The following CACNA2D4 variants were observed in gnomAD, a reference collection of about 807,000 sequenced individuals.
The protein encoded by CACNA2D4 is calcium voltage-gated channel auxiliary subunit alpha2delta 4, also known as voltage-dependent calcium channel subunit alpha-2/delta-4.
In CACNA2D4, 157 loss-of-function variants were observed where a neutral mutation model predicts 163.8. The observed-to-expected ratio is 0.96, with a 90% CI of 0.84 to 1.09. The LOEUF is 1.09. CACNA2D4 is among the 50% of genes least tolerant of loss of function. The pLI is 0.00. For synonymous variants in CACNA2D4, 598 were observed against 586.9 expected (o/e 1.02, Z -0.27); for missense variants, 1,410 against 1,479.9 (o/e 0.95, Z 0.78).
intron 24 of CACNA2D4, 51 bp downstream of exon 24, chr12:1,846,543 C>A (rs1865147414): frequency 2.1e-6 from 3 of 1,429,126 alleles, no homozygotes; most frequent in Admixed American, 2.0e-5. Context: ...GGGACTCTGG[C>A]CCTCTCTGCC....
Position 1,800,238 on chromosome 12 carries a change from G to A in CACNA2D4, c.2921+148C>T, listed in dbSNP as rs1017752152. On this transcript the variant is annotated intron_variant, in intron 32 of 37. Transcript: ENST00000382722. ...GGGCAGCATGCAGGGAAGAGGTGGC[G>A]TCCATGCCCAGGGATTGTGCCCTCC... The A allele has an allele frequency of 2.4e-5, 23 of 969,962 alleles. No homozygotes were observed. In the African/African-American group the frequency reaches 3.1e-4, roughly 13 times the overall value. The allele number at this position is 969,962 out of a possible 1,614,324, so 60.1% of individuals were successfully genotyped here.
intron 24 of CACNA2D4, among the ~76,000 whole-genome samples, chr12:1,846,392 G>A (rs552410760): frequency 6.6e-6 from 1 of 151,038 alleles, no homozygotes; most frequent in African/African-American, 2.5e-5. Context: ...TGTCAATCCC[G>A]ATCCGTAAGC....
At chr12:1,876,341 T>C (rs953102370) in intron 16 of CACNA2D4, among the ~76,000 whole-genome samples, 6 of 152,206 alleles carry the variant, frequency 3.9e-5, no homozygotes, top group African/African-American at 1.4e-4. Flanking sequence ...ATACAGCCAT[T>C]AATCAACATG....
At chr12:1,816,522 T>G (rs1863877545) in intron 26 of CACNA2D4, among the ~76,000 whole-genome samples, 1 of 151,998 alleles carries the variant, frequency 6.6e-6, no homozygotes, top group Non-Finnish European at 1.5e-5. Context: ...TCCCTTGCCT[T>G]CCCTCTCTGC....
At chr12:1,868,139 A>G (rs1207097094) in intron 18 of CACNA2D4, among the ~76,000 whole-genome samples, 1 of 152,230 alleles carries the variant, frequency 6.6e-6, no homozygotes, top group Non-Finnish European at 1.5e-5. Flanking sequence ...AAAGGACATC[A>G]CCACCTCATA....
chr12:1,871,035 G>A (rs1415707012), intron 18 of CACNA2D4, among the ~76,000 whole-genome samples: 1 of 152,142 alleles, frequency 6.6e-6, no homozygotes, highest in African/African-American at 2.4e-5. Context: ...AGCCGCTGGT[G>A]TGTGTGTGTA....
Position 1,874,598 on chromosome 12 carries a change from C to T in CACNA2D4, c.1878+6G>A, listed in dbSNP as rs1592726162. The T allele has an allele frequency of 1.2e-6, 2 of 1,604,642 alleles. No homozygotes were observed. The highest frequency in any genetic ancestry group is 2.2e-5 in the East Asian group (1 of 44,858). On this transcript the variant is annotated splice_donor_region_variant and intron_variant, in intron 18 of 37. Transcript: ENST00000382722. The surrounding 1 kb of genome is among the most constrained non-coding windows in gnomAD (Gnocchi z 4.4). The stretch of plus-strand genomic sequence containing the variant: ...GGCCATGCCCTGGCTGTTTCTAGCT[C>T]CTTACCCCTTTATCCATCGGAACCT...
Position 1,844,631 on chromosome 12 carries a change from A to G in CACNA2D4, c.2343-102T>C. The G allele has an allele frequency of 7.9e-7, 1 of 1,268,540 alleles. No individual in the cohort carries two copies. Among genetic ancestry groups the G allele is most frequent in the Non-Finnish European group, 1.1e-6 (1 of 908,966 alleles). 78.6% of individuals were successfully genotyped at this position (1,268,540 alleles called of 1,614,324 possible). A position where few individuals can be genotyped will look rare whatever the true frequency, so the allele number is the denominator to read the frequency against. ...TCAACTTGGCTGGGCTAAGAGAGTG[A>G]TTTTAGCCCCTAAATTAGTACGGCC... is the stretch of plus-strand genomic sequence containing the variant. On this transcript the variant is annotated intron_variant, in intron 24 of 37. Coordinates refer to ENST00000382722, the MANE Select transcript of CACNA2D4 (RefSeq NM_172364.5). The surrounding 1 kb of genome is among the most constrained non-coding windows in gnomAD (Gnocchi z 4.2).
At position 1,884,849 on chromosome 12, in the gene CACNA2D4, G is replaced by T. The variant is rs775229638; in HGVS notation, c.1191C>A (p.Asn397Lys). Reference protein sequence around the residue: ...FQEAKQGSLCNQAIMLISDGA... With the variant: ...FQEAKQGSLCKQAIMLISDGA... The stretch of plus-strand genomic sequence containing the variant: ...CGTCGCTGATGAGCATGATGGCCTG[G>T]TTGCAGAGGCTTCCTTGCTTGGCCT... Residue 397 changes from asparagine to lysine, a missense_variant, in exon 11 of 38, where the codon AAC becomes AAA. Coordinates refer to ENST00000382722, the MANE Select transcript of CACNA2D4 (RefSeq NM_172364.5). 1.9e-6 allele frequency: 3 copies of T among 1,613,912 alleles called. No individual in the cohort carries two copies. The highest frequency in any genetic ancestry group is 2.5e-6 in the Non-Finnish European group (3 of 1,179,850).
chr12:1,912,091 G>T (rs756555399), intron 3 of CACNA2D4, among the ~76,000 whole-genome samples: 1 of 152,220 alleles, frequency 6.6e-6, no homozygotes, highest in African/African-American at 2.4e-5. Flanking sequence ...TGTGATGGGG[G>T]TGGGGGTACA....
intron 23 of CACNA2D4, among the ~76,000 whole-genome samples, chr12:1,852,476 C>A (rs1437440418): frequency 1.3e-5 from 2 of 151,972 alleles, no homozygotes; most frequent in Non-Finnish European, 2.9e-5. Flanking sequence ...TCAAGACCAG[C>A]CTGAGCAACA....
chr12:1,909,935 G>C lies in CACNA2D4; in HGVS notation c.457C>G (p.Leu153Val). The C allele has an allele frequency of 6.2e-7, 1 of 1,613,834 alleles. No individual in the cohort carries two copies. Among genetic ancestry groups the C allele is most frequent in the Non-Finnish European group, 8.5e-7 (1 of 1,179,808 alleles). The change falls in exon 4 of 38, where the codon CTG (leucine) becomes GTG (valine). Residue 153 changes from leucine (L) to valine (V), a missense_variant. Transcript: ENST00000382722. Reference protein sequence around the residue: ...NLVEAAEEADLNHEFNESLVF... With the variant: ...NLVEAAEEADVNHEFNESLVF... ...AGGGATTCATTGAATTCGTGGTTCA[G>C]GTCGGCCTCCTCGGCAGCTTCCACC... is the stretch of plus-strand genomic sequence containing the variant.
rs1863705858 is a variant in CACNA2D4 at position 1,811,437 on chromosome 12, G to A, written c.2613+225C>T. Among the ~76,000 whole-genome samples the A allele has an allele frequency of 2.6e-5, 4 of 152,334 alleles. No homozygotes were observed. The South Asian group carries it at 8.3e-4, about 32-fold the overall frequency. On this transcript the variant is annotated intron_variant, in intron 27 of 37. Transcript: ENST00000382722. ...CAGTGGCTTTGGAGTGGCGAGAAGG[G>A]GTGACTCTGGGTCGTGCCCTCAGCA...
chr12:1,801,101 T>C lies in CACNA2D4; in HGVS notation c.2810A>G (p.Tyr937Cys). ...ACTCGAGGGTTTGCACATGGCCTGA[T>C]AGTCATACATAGTCACTCTGAAAAT... ...GVFSQVTMYD[Y>C]QAMCKPSSHH... is the part of the protein sequence containing the mutation. The change falls in exon 31 of 38, where the codon TAT becomes TGT. Residue 937 changes from tyrosine (Y) to cysteine (C), a missense_variant. Transcript: ENST00000382722. The C allele has an allele frequency of 6.2e-7, 1 of 1,613,800 alleles. No individual in the cohort carries two copies. The highest frequency in any genetic ancestry group is 8.5e-7 in the Non-Finnish European group (1 of 1,179,808).
At chr12:1,879,528 T>C (rs1231595310) in intron 14 of CACNA2D4, among the ~76,000 whole-genome samples, 3 of 152,160 alleles carry the variant, frequency 2.0e-5, no homozygotes, top group Non-Finnish European at 4.4e-5. Context: ...CCTCCGGTCT[T>C]ATATCCCCAA....
At chr12:1,865,759 C>T (rs952357205) in intron 18 of CACNA2D4, among the ~76,000 whole-genome samples, 1 of 152,190 alleles carries the variant, frequency 6.6e-6, no homozygotes, top group Non-Finnish European at 1.5e-5. Flanking sequence ...CGCGGGGAGG[C>T]GGTTGCGGGG....
Position 1,834,232 on chromosome 12 carries a change from C to A in CACNA2D4, c.2551+6507G>T. On this transcript the variant is annotated intron_variant, in intron 26 of 37. Coordinates refer to ENST00000382722, the MANE Select transcript of CACNA2D4 (RefSeq NM_172364.5). This position sits in a 1 kb window ranked among gnomAD's most constrained non-coding sequence, Gnocchi z 7.6. ...GGAGAGGGAGTGCAAGTTCTAGATG[C>A]CTGGTCAGCCCCTCTTTTTCTCTTC... 1 of 1,521,282 alleles carries A rather than the reference C, an allele frequency of 6.6e-7. No individual in the cohort carries two copies. The highest frequency in any genetic ancestry group is 2.0e-4 in the Middle Eastern group (1 of 5,036). The allele number at this position is 1,521,282 out of a possible 1,614,324, so 94.2% of individuals were successfully genotyped here. A position where few individuals can be genotyped will look rare whatever the true frequency, so the allele number is the denominator to read the frequency against.
Position 1,833,343 on chromosome 12 carries a change from C to T in CACNA2D4, c.2551+7396G>A, listed in dbSNP as rs566056253. On this transcript the variant is annotated intron_variant, in intron 26 of 37. Transcript: ENST00000382722. The surrounding 1 kb of genome is among the most constrained non-coding windows in gnomAD (Gnocchi z 4.2). ...GATTTCACTGGAAGCTGAAAGAGGG[C>T]CAGAATCCAACTTTCACTTCCTAGG... is the stretch of plus-strand genomic sequence containing the variant. Among the ~76,000 whole-genome samples, 294 of 152,250 alleles carry T rather than the reference C, an allele frequency of 1.9e-3. 1 individual carries two copies. The highest frequency in any genetic ancestry group is 6.8e-3 in the African/African-American group (284 of 41,532).
At chr12:1,879,356 A>G (rs1865944439) in intron 14 of CACNA2D4, among the ~76,000 whole-genome samples, 2 of 152,192 alleles carry the variant, frequency 1.3e-5, no homozygotes, top group South Asian at 4.1e-4. Flanking sequence ...ACCATAACTC[A>G]CGGGGGCTCT....
Sources: gnomAD v4.1 joint callset for allele counts (sites outside exome capture counted in the v4.1 genomes callset) on GRCh38, gnomAD v4.1.1 for gene constraint, Gnocchi (gnomAD v3.1) non-coding constraint, MANE v1.5 for transcripts, NCBI Gene and HGNC (gene_info 2026-07-23, HGNC 2026-07-21) for gene names.